Variants in GPATCH2L observed in about 807,000 individuals in gnomAD.
The protein encoded by GPATCH2L is G patch domain-containing protein 2-like.
A neutral mutation model predicts 57.4 loss-of-function variants in GPATCH2L; 31 were observed. That is an observed-to-expected ratio of 0.54 (90% CI 0.41 to 0.73). The LOEUF (loss-of-function observed/expected upper bound fraction) is 0.73. Ranked by LOEUF, GPATCH2L falls within the 30% of genes least tolerant of loss-of-function variation. The pLI, the probability that GPATCH2L is intolerant of heterozygous loss-of-function variation, is 0.00. For missense variants in GPATCH2L, 481 were observed against 599.9 expected (o/e 0.80, Z 2.07); for synonymous variants, 199 against 210.7 (o/e 0.94, Z 0.48).
intron 3 of GPATCH2L, among the ~76,000 whole-genome samples, chr14:76,168,076 C>T (rs1464844269): frequency 6.6e-6 from 1 of 152,204 alleles, no homozygotes; most frequent in African/African-American, 2.4e-5. Context: ...TCTTTCTCTG[C>T]TTCAGCTTCA....
chr14:76,187,159 A>G (rs1566803977), intron 8 of GPATCH2L, among the ~76,000 whole-genome samples: 1 of 151,996 alleles, frequency 6.6e-6, no homozygotes, highest in African/African-American at 2.4e-5. Context: ...GTAAAATCAC[A>G]TGTGAGAAAG....
At chr14:76,180,881 C>G in intron 8 of GPATCH2L, 32 bp downstream of exon 8, 1 of 1,253,914 alleles carries the variant, frequency 8.0e-7, no homozygotes, top group Non-Finnish European at 1.2e-6. Context: ...TTATTTGCTT[C>G]TGGACAATAC....
At chr14:76,177,966 C>A (rs2039405837) in intron 6 of GPATCH2L, 22 bp from the exon 7 acceptor site, 1 of 1,602,008 alleles carries the variant, frequency 6.2e-7, no homozygotes, top group Non-Finnish European at 8.6e-7. Context: ...TTTATTTTAT[C>A]ATTTGGTTTC....
intron 2 of GPATCH2L, among the ~76,000 whole-genome samples, chr14:76,160,148 A>T (rs1269618507): frequency 6.6e-6 from 1 of 152,164 alleles, no homozygotes; most frequent in African/African-American, 2.4e-5. Flanking sequence ...TGTCTCAAAA[A>T]AAAAGAAAAA....
intron 2 of GPATCH2L, among the ~76,000 whole-genome samples, chr14:76,163,950 C>T (rs1196475454): frequency 5.3e-5 from 8 of 152,162 alleles, no homozygotes; most frequent in Non-Finnish European, 5.9e-5. Flanking sequence ...CATTCTCTTC[C>T]ATGGTTACTG....
rs1477388696 is a variant in GPATCH2L, at chr14:76,207,030, A to T, written c.*5179A>T. 5.9e-5 allele frequency: 9 copies of T among 152,344 alleles called. No individual in the cohort carries two copies. Among genetic ancestry groups the T allele is most frequent in the African/African-American group, 2.2e-4 (9 of 41,576 alleles). 9.4% of individuals were successfully genotyped at this position (152,344 alleles called of 1,614,324 possible). Reference sequence around the variant, plus strand: ...TGGAAATAACCTTTTGAAAATGGATAAAGCCTGGGTGTGGTGACTCACGCC... The same window carrying T: ...TGGAAATAACCTTTTGAAAATGGATTAAGCCTGGGTGTGGTGACTCACGCC... On this transcript the variant is annotated 3_prime_UTR_variant, in exon 10 of 10. Coordinates refer to ENST00000261530, the MANE Select transcript of GPATCH2L (RefSeq NM_017926.4).
In GPATCH2L at chr14:76,212,720, CTG is replaced by C. The variant is rs924822296; in HGVS notation, c.*10873_*10874del. On this transcript the variant is annotated 3_prime_UTR_variant, in exon 10 of 10. Transcript: ENST00000261530. ...ATCCATGAAACATTTCCCCATTTGACTGTGTATTAGAGCGTACAGAAAACATA... is the reference window on the plus strand; with the variant it reads ...ATCCATGAAACATTTCCCCATTTGACTGTATTAGAGCGTACAGAAAACATA... 6 of 151,922 alleles carry C rather than the reference CTG, an allele frequency of 3.9e-5. No individual in the cohort carries two copies. Among genetic ancestry groups the C allele is most frequent in the Admixed American group, 6.6e-5 (1 of 15,244 alleles). The allele number at this position is 151,922 out of a possible 1,614,324, so 9.4% of individuals were successfully genotyped here.
intron 2 of GPATCH2L, among the ~76,000 whole-genome samples, chr14:76,159,532 G>A (rs2038473215): frequency 6.6e-6 from 1 of 151,956 alleles, no homozygotes; most frequent in African/African-American, 2.4e-5. Flanking sequence ...GCTACTGGGA[G>A]GCTTTTATCT....
intron 3 of GPATCH2L, among the ~76,000 whole-genome samples, chr14:76,168,899 G>A (rs2038964021): frequency 6.6e-6 from 1 of 152,194 alleles, no homozygotes; most frequent in Non-Finnish European, 1.5e-5. Context: ...ATTGCTGGTT[G>A]GCAGTGGTTG....
intron 4 of GPATCH2L, 30 bp downstream of exon 4, chr14:76,172,049 G>A: frequency 6.8e-7 from 1 of 1,465,772 alleles, no homozygotes; most frequent in Non-Finnish European, 9.3e-7. Context: ...AGAACTTAAT[G>A]CTTTTATGGT....
chr14:76,224,828 CAA>C (rs2040529996), intron 1 of GPATCH2L, among the ~76,000 whole-genome samples: 1 of 151,956 alleles, frequency 6.6e-6, no homozygotes, highest in South Asian at 2.1e-4. Flanking sequence ...CTACAAAAAT[CAA>C]TGATATTTTT....
At chr14:76,195,602 A>G (rs952042928) in intron 8 of GPATCH2L, among the ~76,000 whole-genome samples, 1 of 152,230 alleles carries the variant, frequency 6.6e-6, no homozygotes, top group Admixed American at 6.5e-5. Context: ...ATAATTGTAT[A>G]AAAATAAGCA....
intron 9 of GPATCH2L, among the ~76,000 whole-genome samples, chr14:76,197,130 G>A (rs1321567948): frequency 1.7e-4 from 26 of 152,136 alleles, no homozygotes; most frequent in Admixed American, 1.7e-3. Context: ...CCACATGGTT[G>A]ATAAATTGCA....
intron 9 of GPATCH2L, among the ~76,000 whole-genome samples, chr14:76,198,135 TAGC>T (rs1775209450): frequency 1.3e-5 from 2 of 152,184 alleles, no homozygotes; most frequent in African/African-American, 4.8e-5. Context: ...CTTGAAAGTG[TAGC>T]ACCTTTATTT....
At chr14:76,160,221 C>T (rs186224884) in intron 2 of GPATCH2L, among the ~76,000 whole-genome samples, 1 of 152,302 alleles carries the variant, frequency 6.6e-6, no homozygotes, top group Admixed American at 6.5e-5. Flanking sequence ...CAACCTGTAG[C>T]TGCCTGATTT....
intron 9 of GPATCH2L, among the ~76,000 whole-genome samples, chr14:76,197,361 G>T (rs573452553): frequency 6.6e-5 from 10 of 152,006 alleles, no homozygotes; most frequent in African/African-American, 2.4e-4. Flanking sequence ...GCTTTTAATT[G>T]TTTATAAGAG....
chr14:76,164,556 T>A (rs1251799922), intron 2 of GPATCH2L, among the ~76,000 whole-genome samples: 1 of 152,112 alleles, frequency 6.6e-6, no homozygotes, highest in African/African-American at 2.4e-5. Flanking sequence ...AGTATGAGTT[T>A]CAAATTACAG....
In GPATCH2L at chr14:76,206,992, A is replaced by G. The variant is rs2040385152; in HGVS notation, c.*5141A>G. On this transcript the variant is annotated 3_prime_UTR_variant, in exon 10 of 10. Coordinates refer to ENST00000261530, the MANE Select transcript of GPATCH2L (RefSeq NM_017926.4). ...TTGACAAAGGATGCTATCAAGGGCT[A>G]TGTTTAGGTGGATGGAAATAACCTT... 1.3e-5 allele frequency: 2 copies of G among 152,104 alleles called. No homozygotes were observed. Among genetic ancestry groups the G allele is most frequent in the African/African-American group, 4.8e-5 (2 of 41,396 alleles). 9.4% of individuals were successfully genotyped at this position (152,104 alleles called of 1,614,324 possible).
chr14:76,187,802 A>G (rs967711641), intron 8 of GPATCH2L, among the ~76,000 whole-genome samples: 1 of 152,044 alleles, frequency 6.6e-6, no homozygotes, highest in Admixed American at 6.5e-5. Context: ...GCTATCAAAT[A>G]GTAGATCTTA....
Sources: allele counts gnomAD v4.1 joint callset (sites outside exome capture counted in the v4.1 genomes callset), GRCh38; gene constraint gnomAD v4.1.1; transcripts MANE v1.5; gene names NCBI Gene and HGNC (gene_info 2026-07-23, HGNC 2026-07-21).